Variants in KLRC3 observed in about 807,000 individuals in gnomAD.
The protein encoded by KLRC3 is NKG2-E type II integral membrane protein.
A neutral mutation model predicts 23.6 loss-of-function variants in KLRC3; 16 were observed. The observed-to-expected ratio is 0.68, with a 90% confidence interval of 0.46 to 1.03. KLRC3 has a LOEUF of 1.03. Ranked by LOEUF, KLRC3 falls within the 50% of genes least tolerant of loss-of-function variation. KLRC3 has a pLI of 0.00. For synonymous variants in KLRC3, 70 were observed against 71.8 expected, an observed-to-expected ratio of 0.98 and a Z score of 0.13; for missense variants, 209 against 232.2, an observed-to-expected ratio of 0.90 and a Z score of 0.65.
chr12:10,420,462 G>C lies in KLRC3; in HGVS notation c.89C>G (p.Ser30Cys). The change falls in exon 1 of 7, where the codon TCC becomes TGC. Residue 30 changes from serine (S) to cysteine (C), a missense_variant. By Grantham distance (112) the Ser-to-Cys change is moderately radical. Around this residue, in one of 4 missense-constraint regions of KLRC3, gnomAD observed 109 missense variants for 113.2 expected, o/e 0.96. Transcript: ENST00000396439. ...TATTTCCTGTTCGGTTCCTGAAATG[G>C]AGCTTTTATTGCCTTTAGGTTTCCT... Reference protein sequence around the residue: ...QQRKPKGNKSSISGTEQEIFQ... With the variant: ...QQRKPKGNKSCISGTEQEIFQ... The C allele has an allele frequency of 6.2e-7, 1 of 1,613,010 alleles. No individual in the cohort carries two copies. Among genetic ancestry groups the C allele is most frequent in the Non-Finnish European group, 8.5e-7 (1 of 1,179,640 alleles).
intron 6 of KLRC3, among the ~76,000 whole-genome samples, chr12:10,415,123 G>C (rs1863621815): frequency 6.6e-6 from 1 of 152,170 alleles, no homozygotes; most frequent in Non-Finnish European, 1.5e-5. Flanking sequence ...AATTACTTTA[G>C]AGATTAAATG....
intron 6 of KLRC3, 68 bp downstream of exon 6, chr12:10,415,636 G>A: frequency 6.2e-7 from 1 of 1,603,226 alleles, no homozygotes; most frequent in Non-Finnish European, 8.5e-7. Flanking sequence ...ATTTCTGTTT[G>A]AACAAATATA....
chr12:10,418,426 C>T lies in KLRC3; in HGVS notation c.404G>A (p.Arg135Lys), dbSNP rs1409966758. ...CTGCAAACTCTCTTCCCAAGTTCTT[C>T]TTTCCTTACCAATGTAATAACAACT... ...SNSCYYIGKE[R>K]RTWEESLQAC... The change falls in exon 4 of 7, where the codon AGA (arginine) becomes AAA (lysine). Residue 135 changes from arginine (R) to lysine (K), a missense_variant. By Grantham distance (26) the Arg-to-Lys change is conservative. This residue lies in a region of KLRC3 where 109 missense variants were observed against 113.2 expected (regional missense o/e 0.96). Coordinates refer to ENST00000396439, the MANE Select transcript of KLRC3 (RefSeq NM_002261.3). 1.2e-6 allele frequency: 2 copies of T among 1,611,352 alleles called. No individual in the cohort carries two copies. The highest frequency in any genetic ancestry group is 1.7e-5 in the Admixed American group (1 of 60,000).
chr12:10,419,387 CTT>C (rs1218032042), intron 2 of KLRC3, among the ~76,000 whole-genome samples: 1 of 80,822 alleles, frequency 1.2e-5, no homozygotes, highest in African/African-American at 4.7e-5. Flanking sequence ...CAGAAAATAT[CTT>C]TGTGTGTGTA....
Position 10,418,399 on chromosome 12 carries a change from G to T in KLRC3, c.431C>A (p.Ala144Asp), listed in dbSNP as rs1280111513. Reference protein sequence around the residue: ...ERRTWEESLQACASKNSSSLL... With the variant: ...ERRTWEESLQDCASKNSSSLL... ...ACTAGAAGAGTTCTTTGAAGCACAGGCCTGCAAACTCTCTTCCCAAGTTCT... is the reference window on the plus strand; with the variant it reads ...ACTAGAAGAGTTCTTTGAAGCACAGTCCTGCAAACTCTCTTCCCAAGTTCT... Residue 144 changes from alanine to aspartate, a missense_variant, in exon 4 of 7, where the codon GCC (alanine) becomes GAC (aspartate). By Grantham distance (126) the Ala-to-Asp change is moderately radical (BLOSUM62 -2). Coordinates refer to ENST00000396439, the MANE Select transcript of KLRC3 (RefSeq NM_002261.3). The T allele has an allele frequency of 6.2e-7, 1 of 1,611,972 alleles. No homozygotes were observed. Among genetic ancestry groups the T allele is most frequent in the Admixed American group, 1.7e-5 (1 of 59,984 alleles).
In KLRC3 at chr12:10,416,661, A is replaced by C. The variant is rs773843928; in HGVS notation, c.587+6T>G. 2.5e-6 allele frequency: 4 copies of C among 1,610,102 alleles called. No homozygotes were observed. In the African/African-American group the frequency reaches 5.3e-5, roughly 22 times the overall value. ...TTTTTATATAGCACCCTATAAAACAACTTACTCATGTTTGAAAGCCAAACC... is the reference window on the plus strand; with the variant it reads ...TTTTTATATAGCACCCTATAAAACACCTTACTCATGTTTGAAAGCCAAACC... On this transcript the variant is annotated splice_donor_region_variant and intron_variant, in intron 5 of 6. Coordinates refer to ENST00000396439, the MANE Select transcript of KLRC3 (RefSeq NM_002261.3).
chr12:10,413,786 AC>A (rs1177558039), intron 6 of KLRC3, among the ~76,000 whole-genome samples: 2 of 58,468 alleles, frequency 3.4e-5, no homozygotes, highest in Admixed American at 3.1e-4. Context: ...CCAACCCCCC[AC>A]CCCCCGACAG....
intron 6 of KLRC3, among the ~76,000 whole-genome samples, chr12:10,414,499 C>A (rs949119227): frequency 6.7e-6 from 1 of 149,060 alleles, no homozygotes; most frequent in Admixed American, 6.8e-5. Context: ...AAAGTACTAG[C>A]CAGAGAAAAT....
intron 6 of KLRC3, among the ~76,000 whole-genome samples, chr12:10,415,228 G>A (rs2741887): frequency 0.014 from 2,112 of 152,266 alleles, 42 homozygotes; most frequent in African/African-American, 0.048. Context: ...CACTTAAAAT[G>A]ATTAAAAATC....
intron 5 of KLRC3, among the ~76,000 whole-genome samples, chr12:10,416,406 A>T (rs1354042757): frequency 6.6e-6 from 1 of 152,042 alleles, no homozygotes; most frequent in Non-Finnish European, 1.5e-5. Context: ...GTGGCCCAAG[A>T]CTCTTCTTCT....
rs1207151432 is a variant in KLRC3 at position 10,420,333 on chromosome 12, A to G, written c.187+31T>C. The G allele has an allele frequency of 1.2e-5, 19 of 1,600,360 alleles. No individual in the cohort carries two copies. In the East Asian group the frequency reaches 4.2e-4, roughly 36 times the overall value. ...TGCATTCAACTGCACATCCCAGAAC[A>G]ATAACATTGAAGATATATTTAATGT... On this transcript the variant is annotated intron_variant, in intron 1 of 6. Transcript: ENST00000396439.
Position 10,412,343 on chromosome 12 carries a change from T to A in KLRC3, c.*229A>T. On this transcript the variant is annotated 3_prime_UTR_variant, in exon 7 of 7. Coordinates refer to ENST00000396439, the MANE Select transcript of KLRC3 (RefSeq NM_002261.3). ...TGTTCATTGATTTATTTTCCAATCA[T>A]AACGGTCTGCATTTTAATATTAATA... The A allele has an allele frequency of 5.4e-6, 3 of 559,268 alleles. No homozygotes were observed. Among genetic ancestry groups the A allele is most frequent in the Non-Finnish European group, 9.4e-6 (3 of 318,590 alleles). 34.6% of individuals were successfully genotyped at this position (559,268 alleles called of 1,614,324 possible).
intron 3 of KLRC3, 131 bp from the exon 4 acceptor site, chr12:10,418,629 A>G (rs1403783150): frequency 4.0e-5 from 44 of 1,096,892 alleles, no homozygotes; most frequent in Non-Finnish European, 5.6e-5. Context: ...TTATAAGTAT[A>G]TATTTTTTAA....
At chr12:10,418,538 T>C in intron 3 of KLRC3, 40 bp from the exon 4 acceptor site, 1 of 1,513,824 alleles carries the variant, frequency 6.6e-7, no homozygotes, top group South Asian at 1.2e-5. Flanking sequence ...CAATATGAAT[T>C]TTTAAAAATG....
chr12:10,417,096 G>A (rs1448120345), intron 4 of KLRC3, among the ~76,000 whole-genome samples: 13 of 151,826 alleles, frequency 8.6e-5, no homozygotes, highest in Admixed American at 8.5e-4. Flanking sequence ...ATTTCTCAGA[G>A]TTGGAGATTT....
rs1270830039 is a variant in KLRC3, at chr12:10,412,600, A to G, written c.695T>C (p.Met232Thr). The G allele has an allele frequency of 7.1e-6, 5 of 701,438 alleles. No individual in the cohort carries two copies. The highest frequency in any genetic ancestry group is 7.0e-5 in the African/African-American group (4 of 57,124). 43.5% of individuals were successfully genotyped at this position (701,438 alleles called of 1,614,324 possible). A position where few individuals can be genotyped will look rare whatever the true frequency, so the allele number is the denominator to read the frequency against. ...SSRIIRRGFI[M>T]LTRLVLNS ...GGAGTTCAAGACCAGCCTGGTCAAC[A>G]TGATGAAACCCCGTCTCTACAAAAA... Residue 232 changes from methionine to threonine, a missense_variant, in exon 7 of 7, where the codon ATG becomes ACG. Coordinates refer to ENST00000396439, the MANE Select transcript of KLRC3 (RefSeq NM_002261.3).
chr12:10,413,792 C>G (rs1441749692), intron 6 of KLRC3, among the ~76,000 whole-genome samples: 1 of 146,238 alleles, frequency 6.8e-6, no homozygotes, highest in South Asian at 2.2e-4. Context: ...CCCCACCCCC[C>G]GACAGGCCCC....
Position 10,412,459 on chromosome 12 carries a change from G to A in KLRC3, c.*113C>T. 1 of 675,692 alleles carries A rather than the reference G, an allele frequency of 1.5e-6. No individual in the cohort carries two copies. Among genetic ancestry groups the A allele is most frequent in the Non-Finnish European group, 2.7e-6 (1 of 376,218 alleles). 41.9% of individuals were successfully genotyped at this position (675,692 alleles called of 1,614,324 possible). On this transcript the variant is annotated 3_prime_UTR_variant, in exon 7 of 7. Transcript: ENST00000396439. ...CATCTAGTTAAAAATAGGGAGGGCA[G>A]AAAAAGTAGATTTTTAAAACACAAG...
At chr12:10,416,069 T>G (rs1863638710) in intron 5 of KLRC3, among the ~76,000 whole-genome samples, 1 of 152,208 alleles carries the variant, frequency 6.6e-6, no homozygotes, top group Admixed American at 6.5e-5. Context: ...TGTGATAAAG[T>G]TTAATTTAAA....
Sources: allele counts gnomAD v4.1 joint callset (sites outside exome capture counted in the v4.1 genomes callset), GRCh38; gene constraint gnomAD v4.1.1; regional missense constraint gnomAD v4.1.1; transcripts MANE v1.5; gene names NCBI Gene and HGNC (gene_info 2026-07-23, HGNC 2026-07-21).